Variants in TFEB observed in about 807,000 individuals in gnomAD.
TFEB encodes transcription factor EB.
In TFEB, 12 loss-of-function variants were observed where a neutral mutation model predicts 48.0. The ratio of observed to expected loss-of-function variants is 0.25; its 90% CI spans 0.16 to 0.40. TFEB has a LOEUF of 0.40. Ranked by LOEUF, TFEB falls within the 10% of genes least tolerant of loss-of-function variation. The probability of loss-of-function intolerance (pLI) is 1.00; values close to 1 mark genes in which losing one functional copy is unlikely to be tolerated. For missense variants in TFEB, 509 were observed against 640.3 expected, an observed-to-expected ratio of 0.79 and a Z score of 2.21; for synonymous variants, 244 against 261.4, an observed-to-expected ratio of 0.93 and a Z score of 0.64.
In TFEB at chr6:41,690,932, A is replaced by G; in HGVS notation, c.214-15T>C. ...TAGGACTGCACCTGGGAGGGGGAAA[A>G]GGCAAGGGCTCTAGGGGAGGCTGGG... On this transcript the variant is annotated splice_polypyrimidine_tract_variant and intron_variant, in intron 2 of 8. Coordinates refer to ENST00000373033, the MANE Select transcript of TFEB (RefSeq NM_001271944.2). The G allele has an allele frequency of 1.3e-6, 2 of 1,568,274 alleles. No individual in the cohort carries two copies. Among genetic ancestry groups the G allele is most frequent in the African/African-American group, 1.4e-5 (1 of 72,674 alleles).
At position 41,734,857 on chromosome 6, in the gene TFEB, C is replaced by T. The variant is rs1581946024; in HGVS notation, c.-23+493G>A. 6.1e-6 allele frequency: 6 copies of T among 982,912 alleles called. No homozygotes were observed. Among genetic ancestry groups the T allele is most frequent in the Non-Finnish European group, 7.2e-6 (6 of 827,682 alleles). The allele number at this position is 982,912 out of a possible 1,614,324, so 60.9% of individuals were successfully genotyped here. On this transcript the variant is annotated intron_variant, in intron 1 of 8. Transcript: ENST00000373033. This position sits in a 1 kb window ranked among gnomAD's most constrained non-coding sequence, Gnocchi z 4.0. The stretch of plus-strand genomic sequence containing the variant: ...GCGCCGCTCTGGCCCTCCCACTCCC[C>T]CCGCTGGCCTGGCCAGACTCAGCCC...
At chr6:41,711,611 A>G (rs1770477800) in intron 1 of TFEB, among the ~76,000 whole-genome samples, 1 of 152,114 alleles carries the variant, frequency 6.6e-6, no homozygotes, top group African/African-American at 2.4e-5. Flanking sequence ...GGTGGTGTAG[A>G]AGGAGGGAGC....
At chr6:41,717,223 G>T (rs1463688216) in intron 1 of TFEB, among the ~76,000 whole-genome samples, 1 of 152,152 alleles carries the variant, frequency 6.6e-6, no homozygotes. Context: ...ATGTTCAGGG[G>T]AACTGAGAGC....
chr6:41,704,351 G>A (rs886847796), intron 1 of TFEB, among the ~76,000 whole-genome samples: 6 of 152,188 alleles, frequency 3.9e-5, no homozygotes, highest in African/African-American at 9.7e-5. Context: ...GTGCTTAACC[G>A]CTCAGAGCCT....
At chr6:41,712,518 C>T (rs1451010614) in intron 1 of TFEB, among the ~76,000 whole-genome samples, 2 of 152,192 alleles carry the variant, frequency 1.3e-5, no homozygotes, top group African/African-American at 2.4e-5. Flanking sequence ...GAGAACAGGA[C>T]TAAGTCTCCC....
intron 1 of TFEB, chr6:41,732,499 T>C: frequency 1.2e-6 from 1 of 818,758 alleles, no homozygotes; most frequent in Non-Finnish European, 1.5e-6. Context: ...AATATTCTAT[T>C]AATATAATCT....
chr6:41,685,429 C>G (rs1017716629), intron 8 of TFEB, among the ~76,000 whole-genome samples: 3 of 152,196 alleles, frequency 2.0e-5, no homozygotes, highest in African/African-American at 7.2e-5. Flanking sequence ...TGATTTTTCA[C>G]TTTGTGCCTG....
At chr6:41,687,833 G>A in intron 5 of TFEB, 24 bp from the exon 6 acceptor site, 1 of 1,612,302 alleles carries the variant, frequency 6.2e-7, no homozygotes, top group Non-Finnish European at 8.5e-7. Context: ...GAGAAGGAGA[G>A]AGGAGCTGGG....
intron 1 of TFEB, among the ~76,000 whole-genome samples, chr6:41,703,203 T>G (rs1289649242): frequency 1.3e-5 from 2 of 152,198 alleles, no homozygotes; most frequent in African/African-American, 4.8e-5. Context: ...GCTCGTTGAC[T>G]CCAAGTGTGA....
chr6:41,731,440 A>C (rs1181788900), intron 1 of TFEB, among the ~76,000 whole-genome samples: 1 of 152,160 alleles, frequency 6.6e-6, no homozygotes, highest in African/African-American at 2.4e-5. Flanking sequence ...AATTCTGCGG[A>C]CTGCAGCATC....
intron 1 of TFEB, 174 bp downstream of exon 1, chr6:41,735,176 G>T: frequency 1.1e-6 from 1 of 917,560 alleles, no homozygotes; most frequent in South Asian, 5.0e-5. Flanking sequence ...CGCGCTGGGC[G>T]CCCGGGGGCG....
chr6:41,719,488 C>T (rs1770887985), intron 1 of TFEB, among the ~76,000 whole-genome samples: 1 of 152,142 alleles, frequency 6.6e-6, no homozygotes, highest in Non-Finnish European at 1.5e-5. Context: ...CTTCAGGACC[C>T]ATCCAACATC....
intron 7 of TFEB, chr6:41,686,829 C>T: frequency 1.9e-6 from 1 of 523,698 alleles, no homozygotes; most frequent in Non-Finnish European, 3.5e-6. Flanking sequence ...AGCCCAATGG[C>T]CTTAAGAAAA....
rs1258467055 is a variant in TFEB at position 41,723,259 on chromosome 6, A to T, written c.-23+12091T>A. ...ACCCCAGCCTTGGCCATGCTCAGAG[A>T]CCCCCACCCCTCCCCAAAGACATCC... On this transcript the variant is annotated intron_variant, in intron 1 of 8. Coordinates refer to ENST00000373033, the MANE Select transcript of TFEB (RefSeq NM_001271944.2). This position sits in a 1 kb window ranked among gnomAD's most constrained non-coding sequence, Gnocchi z 6.0. Among the ~76,000 whole-genome samples, 1 of 148,194 alleles carries T rather than the reference A, an allele frequency of 6.7e-6. No individual in the cohort carries two copies. The highest frequency in any genetic ancestry group is 1.5e-5 in the Non-Finnish European group (1 of 67,036).
At chr6:41,685,245 G>A (rs1374133421) in intron 8 of TFEB, among the ~76,000 whole-genome samples, 167 bp from the exon 9 acceptor site, 1 of 152,220 alleles carries the variant, frequency 6.6e-6, no homozygotes, top group Non-Finnish European at 1.5e-5. Flanking sequence ...CTAGACCAGT[G>A]TTTTTTCAGA....
At chr6:41,735,280 T>C in intron 1 of TFEB, 70 bp downstream of exon 1, 14 of 979,642 alleles carry the variant, frequency 1.4e-5, no homozygotes, top group Non-Finnish European at 1.7e-5. Context: ...ACCCACGGGA[T>C]AGGGGCCAGG....
Position 41,691,561 on chromosome 6 carries a change from A to G in TFEB, c.-22-326T>C, listed in dbSNP as rs1769320510. 1 of 533,058 alleles carries G rather than the reference A, an allele frequency of 1.9e-6. No individual in the cohort carries two copies. Among genetic ancestry groups the G allele is most frequent in the Non-Finnish European group, 3.5e-6 (1 of 286,804 alleles). 33.0% of individuals were successfully genotyped at this position (533,058 alleles called of 1,614,324 possible). On this transcript the variant is annotated intron_variant, in intron 1 of 8. Transcript: ENST00000373033. This position sits in a 1 kb window ranked among gnomAD's most constrained non-coding sequence, Gnocchi z 5.2. ...CTGATCCTGTTAGATCCGACCTCAT[A>G]TCCACCCTCCTTTGCTGCCACAAGG... is the stretch of plus-strand genomic sequence containing the variant.
In TFEB at chr6:41,724,252, T is replaced by C. The variant is rs1168474471; in HGVS notation, c.-23+11098A>G. On this transcript the variant is annotated intron_variant, in intron 1 of 8. Transcript: ENST00000373033. The surrounding 1 kb of genome is among the most constrained non-coding windows in gnomAD (Gnocchi z 4.4). ...GGGCAGAGATTTCACTTAGTGCTTC[T>C]TTCTGGTGGCCAAGGGATTCCCATC... Among the ~76,000 whole-genome samples the C allele has an allele frequency of 4.6e-5, 7 of 152,242 alleles. No homozygotes were observed. Among genetic ancestry groups the C allele is most frequent in the Non-Finnish European group, 8.8e-5 (6 of 68,034 alleles).
Position 41,723,342 on chromosome 6 carries a change from C to T in TFEB, c.-23+12008G>A, listed in dbSNP as rs1402389561. The T allele has an allele frequency of 8.0e-6, 5 of 627,916 alleles. No homozygotes were observed. Among genetic ancestry groups the T allele is most frequent in the South Asian group, 3.1e-5 (2 of 64,930 alleles). 38.9% of individuals were successfully genotyped at this position (627,916 alleles called of 1,614,324 possible). A position where few individuals can be genotyped will look rare whatever the true frequency, so the allele number is the denominator to read the frequency against. On this transcript the variant is annotated intron_variant, in intron 1 of 8. Coordinates refer to ENST00000373033, the MANE Select transcript of TFEB (RefSeq NM_001271944.2). This position sits in a 1 kb window ranked among gnomAD's most constrained non-coding sequence, Gnocchi z 6.0. The stretch of plus-strand genomic sequence containing the variant: ...TACCCACCCACCTCCCCAAAGACAC[C>T]ACACGCATGCACATACACTCACACA...
Sources: allele counts gnomAD v4.1 joint callset (sites outside exome capture counted in the v4.1 genomes callset), GRCh38; gene constraint gnomAD v4.1.1; non-coding constraint Gnocchi (gnomAD v3.1); transcripts MANE v1.5; gene names NCBI Gene and HGNC (gene_info 2026-07-23, HGNC 2026-07-21).